SHISA9: variants seen among roughly 807,000 people sequenced by gnomAD.
SHISA9 encodes the protein shisa family member 9.
Under a neutral mutation model 38.0 loss-of-function variants are expected in SHISA9, and 13 were observed. The ratio of observed to expected loss-of-function variants is 0.34; its 90% confidence interval spans 0.22 to 0.54. SHISA9 has a LOEUF of 0.54. SHISA9 is among the 20% of genes least tolerant of loss of function. The pLI, the probability that SHISA9 is intolerant of heterozygous loss-of-function variation, is 0.91. For synonymous variants in SHISA9, 275 were observed against 242.0 expected (o/e 1.14, Z -1.27); for missense variants, 538 against 575.8 (o/e 0.93, Z 0.67).
intron 2 of SHISA9, among the ~76,000 whole-genome samples, chr16:13,194,700 C>A (rs1393572628): frequency 1.3e-5 from 2 of 152,130 alleles, no homozygotes; most frequent in African/African-American, 4.8e-5. Context: ...CCATCCAGAG[C>A]CAAGCCCACA....
the SHISA9 span, among the ~76,000 whole-genome samples, chr16:13,352,233 A>G: frequency 6.6e-6 from 1 of 152,242 alleles, no homozygotes; most frequent in African/African-American, 2.4e-5. Flanking sequence ...AACAGAGTGC[A>G]TGGTCTGATT....
the SHISA9 span, among the ~76,000 whole-genome samples, chr16:13,466,674 G>T: frequency 1.3e-5 from 2 of 152,094 alleles, no homozygotes; most frequent in South Asian, 2.1e-4. Flanking sequence ...CACCTATTTT[G>T]TTAAAAATAC....
At chr16:13,116,564 C>T (rs1350582572) in intron 2 of SHISA9, among the ~76,000 whole-genome samples, 1 of 152,178 alleles carries the variant, frequency 6.6e-6, no homozygotes, top group Non-Finnish European at 1.5e-5. Context: ...TTGCTATGTT[C>T]TGTGAGCCTG....
At chr16:13,115,080 C>A (rs190227555) in intron 2 of SHISA9, among the ~76,000 whole-genome samples, 2 of 152,154 alleles carry the variant, frequency 1.3e-5, no homozygotes, top group East Asian at 3.9e-4. Context: ...ACCTGTTTTT[C>A]ATTTTGCTGG....
the SHISA9 span, among the ~76,000 whole-genome samples, chr16:13,389,176 T>C: frequency 6.6e-6 from 1 of 152,222 alleles, no homozygotes; most frequent in Non-Finnish European, 1.5e-5. Context: ...GATAGTATCA[T>C]ACAGAGTAGC....
At chr16:13,412,576 G>C in the SHISA9 span, among the ~76,000 whole-genome samples, 1 of 152,024 alleles carries the variant, frequency 6.6e-6, no homozygotes, top group East Asian at 1.9e-4. Context: ...CAAAAAGGAG[G>C]CCGGGCATGA....
chr16:13,282,713 T>A, the SHISA9 span, among the ~76,000 whole-genome samples: 4 of 152,108 alleles, frequency 2.6e-5, no homozygotes, highest in Admixed American at 2.6e-4. Context: ...TTAGGTTGCA[T>A]AACTTTCAAT....
chr16:12,965,436 G>A (rs1596553377), intron 2 of SHISA9, among the ~76,000 whole-genome samples: 1 of 152,108 alleles, frequency 6.6e-6, no homozygotes, highest in Admixed American at 6.6e-5. Flanking sequence ...GGCAACTACC[G>A]ATCTCCTTTC....
At chr16:13,373,072 C>G in the SHISA9 span, among the ~76,000 whole-genome samples, 1 of 152,126 alleles carries the variant, frequency 6.6e-6, no homozygotes, top group South Asian at 2.1e-4. Flanking sequence ...ATCCCGACTA[C>G]TAACTACTGT....
the SHISA9 span, among the ~76,000 whole-genome samples, chr16:13,430,744 CA>C: frequency 0.65 from 93,392 of 143,612 alleles, 30,870 homozygotes; most frequent in Admixed American, 0.79. Flanking sequence ...CATCTCTAAA[CA>C]AAAAAAAAAA....
the SHISA9 span, among the ~76,000 whole-genome samples, chr16:13,409,048 G>A: frequency 2.0e-5 from 3 of 152,184 alleles, no homozygotes; most frequent in Non-Finnish European, 4.4e-5. Flanking sequence ...GGCTCCGGAA[G>A]CAGGAGATGA....
At chr16:13,202,808 T>C (rs769626412) in intron 2 of SHISA9, among the ~76,000 whole-genome samples, 1 of 152,244 alleles carries the variant, frequency 6.6e-6, no homozygotes, top group Non-Finnish European at 1.5e-5. Flanking sequence ...TACATTCTGA[T>C]GCTTTTATTT....
the SHISA9 span, among the ~76,000 whole-genome samples, chr16:13,333,563 C>T: frequency 2.0e-5 from 3 of 152,142 alleles, no homozygotes; most frequent in Admixed American, 6.5e-5. Flanking sequence ...CAATCTCAGA[C>T]TTCCTGGAGC....
chr16:12,908,789 G>C (rs2071141071), intron 1 of SHISA9: 1 of 1,372,072 alleles, frequency 7.3e-7, no homozygotes, highest in Non-Finnish European at 9.4e-7. Context: ...TGGAGGCGTT[G>C]GTGAGAAATG....
At chr16:12,967,256 G>T (rs2071992204) in intron 2 of SHISA9, among the ~76,000 whole-genome samples, 1 of 152,188 alleles carries the variant, frequency 6.6e-6, no homozygotes, top group African/African-American at 2.4e-5. Context: ...CATGTCGTTT[G>T]TAGGGACATA....
At chr16:13,347,660 T>G in the SHISA9 span, among the ~76,000 whole-genome samples, 1 of 152,174 alleles carries the variant, frequency 6.6e-6, no homozygotes, top group Non-Finnish European at 1.5e-5. Flanking sequence ...GTAATTTAGT[T>G]TTTAGGGGCC....
At chr16:13,562,946 T>C in the SHISA9 span, 1 of 152,194 alleles carries the variant, frequency 6.6e-6, no homozygotes, top group Non-Finnish European at 1.5e-5. Context: ...TCTTAAAACA[T>C]GCTCTGCAGA....
chr16:13,359,062 A>T, the SHISA9 span, among the ~76,000 whole-genome samples: 1 of 152,202 alleles, frequency 6.6e-6, no homozygotes, highest in Non-Finnish European at 1.5e-5. Flanking sequence ...GAGAAATGCA[A>T]TTCCCATCCG....
the SHISA9 span, among the ~76,000 whole-genome samples, chr16:13,403,696 C>T: frequency 8.6e-3 from 1,305 of 152,298 alleles, 11 homozygotes; most frequent in African/African-American, 0.027. Context: ...AAATCATCTT[C>T]TGAGTAGGTT....
Sources: gnomAD v4.1 joint callset for allele counts (sites outside exome capture counted in the v4.1 genomes callset) on GRCh38, gnomAD v4.1.1 for gene constraint, MANE v1.5 for transcripts, NCBI Gene and HGNC (gene_info 2026-07-23, HGNC 2026-07-21) for gene names.